NSD1: variants seen among roughly 807,000 people sequenced by gnomAD.
The protein encoded by NSD1 is histone-lysine N-methyltransferase, H3 lysine-36 specific.
NSD1 carries 26 observed loss-of-function variants against 242.7 expected under a neutral mutation model. The observed-to-expected ratio is 0.11, with a 90% confidence interval of 0.08 to 0.15. The LOEUF (loss-of-function observed/expected upper bound fraction) is 0.15, where lower values mean the gene tolerates loss of function less well. Ranked by LOEUF, NSD1 falls within the 10% of genes least tolerant of loss-of-function variation. The pLI is 1.00. For synonymous variants in NSD1, 1,106 were observed against 1,178.1 expected, an observed-to-expected ratio of 0.94 and a Z score of 1.25; for missense variants, 2,495 against 3,272.8, an observed-to-expected ratio of 0.76 and a Z score of 5.80.
chr5:177,136,735 T>G (rs1353969364), intron 2 of NSD1: 1 of 521,460 alleles, frequency 1.9e-6, no homozygotes, highest in African/African-American at 1.9e-5. Flanking sequence ...CTGGGATTAC[T>G]GGTACCCATC....
chr5:177,280,071 A>G (rs550847662), intron 17 of NSD1, among the ~76,000 whole-genome samples: 3 of 144,436 alleles, frequency 2.1e-5, no homozygotes, highest in African/African-American at 7.8e-5. Context: ...GTGCAGTGGC[A>G]CGACCTAGGC....
chr5:177,291,921 C>T (rs1342157247), intron 21 of NSD1, 33 bp from the exon 22 acceptor site: 2 of 1,599,196 alleles, frequency 1.3e-6, no homozygotes, highest in South Asian at 1.1e-5. Context: ...AATGTGTTCA[C>T]AGAATGCTGA....
upstream of NSD1, chr5:177,133,040 TGTG>T (rs561454196): frequency 1.4e-4 from 22 of 153,410 alleles, no homozygotes; most frequent in South Asian, 6.1e-4. This position sits in a 1 kb window ranked among gnomAD's most constrained non-coding sequence, Gnocchi z 6.2. Context: ...CAGCTTGGTC[TGTG>T]GTGGTGGTGG....
chr5:177,174,871 C>CTTT lies in NSD1; in HGVS notation c.928-16995_928-16993dup, dbSNP rs377543241. On this transcript the variant is annotated intron_variant, in intron 2 of 22. Coordinates refer to ENST00000439151, the MANE Select transcript of NSD1 (RefSeq NM_022455.5). ...AGCCACCGTGCCTGGCCTTATCTGA[C>CTTT]TTTTTTTTTTTTTTTTTTTTGGGAC... Among the ~76,000 whole-genome samples the CTTT allele has an allele frequency of 3.4e-3, 305 of 89,656 alleles. 5 individuals are homozygous for CTTT. The highest frequency in any genetic ancestry group is 2.5e-3 in the Non-Finnish European group (125 of 49,446). The allele number at this position is 89,656 out of a possible 152,430, so 58.8% of individuals were successfully genotyped here. A position where few individuals can be genotyped will look rare whatever the true frequency, so the allele number is the denominator to read the frequency against.
chr5:177,151,545 C>T (rs763005449), intron 2 of NSD1, among the ~76,000 whole-genome samples: 12 of 151,820 alleles, frequency 7.9e-5, no homozygotes, highest in Admixed American at 2.0e-4. Context: ...TGTGCCACCA[C>T]GCCCGGCTAA....
chr5:177,279,770 C>T (rs770483702), intron 17 of NSD1, among the ~76,000 whole-genome samples: 124 of 151,086 alleles, frequency 8.2e-4, no homozygotes, highest in Non-Finnish European at 1.3e-3. Flanking sequence ...GTGCCCGCCA[C>T]CACGCCTGGC....
Position 177,299,543 on chromosome 5 carries a change from C to G in NSD1, c.*4084C>G, listed in dbSNP as rs570444426. The G allele has an allele frequency of 3.4e-5, 8 of 233,222 alleles. No individual in the cohort carries two copies. Among genetic ancestry groups the G allele is most frequent in the Admixed American group, 1.1e-4 (2 of 17,780 alleles). The allele number at this position is 233,222 out of a possible 1,614,324, so 14.4% of individuals were successfully genotyped here. A position where few individuals can be genotyped will look rare whatever the true frequency, so the allele number is the denominator to read the frequency against. On this transcript the variant is annotated 3_prime_UTR_variant, in exon 23 of 23. Transcript: ENST00000439151. The stretch of plus-strand genomic sequence containing the variant: ...TCCCTTCTGCCCCTCTCTACCTCTT[C>G]CACTCATGGAAGCCCCTCTACTGCT...
Position 177,295,738 on chromosome 5 carries a change from A to C in NSD1, c.*279A>C. 3.7e-6 allele frequency: 2 copies of C among 537,996 alleles called. No individual in the cohort carries two copies. The highest frequency in any genetic ancestry group is 4.1e-5 in the South Asian group (2 of 48,900). 33.3% of individuals were successfully genotyped at this position (537,996 alleles called of 1,614,324 possible). ...CAACTTTTCCACATGGTCATCGTGA[A>C]ATAAAAAGTCCACTCTGGAGTCAAG... On this transcript the variant is annotated 3_prime_UTR_variant, in exon 23 of 23. Coordinates refer to ENST00000439151, the MANE Select transcript of NSD1 (RefSeq NM_022455.5). This position sits in a 1 kb window ranked among gnomAD's most constrained non-coding sequence, Gnocchi z 4.3.
chr5:177,160,153 A>T (rs753968321), intron 2 of NSD1, among the ~76,000 whole-genome samples: 1 of 151,964 alleles, frequency 6.6e-6, no homozygotes, highest in Non-Finnish European at 1.5e-5. Context: ...CGCCTTCCCA[A>T]GTGCTGGGAT....
At chr5:177,184,357 CTGA>C (rs1760926621) in intron 2 of NSD1, among the ~76,000 whole-genome samples, 1 of 152,160 alleles carries the variant, frequency 6.6e-6, no homozygotes, top group African/African-American at 2.4e-5. Flanking sequence ...TTGCATTTCT[CTGA>C]TGATCAGTGA....
At chr5:177,158,979 CACAT>C (rs1473034554) in intron 2 of NSD1, among the ~76,000 whole-genome samples, 3 of 125,856 alleles carry the variant, frequency 2.4e-5, no homozygotes, top group South Asian at 2.2e-4. Flanking sequence ...CATATATACA[CACAT>C]ATATATGAAT....
At chr5:177,180,158 G>C (rs1175171626) in intron 2 of NSD1, among the ~76,000 whole-genome samples, 1 of 151,450 alleles carries the variant, frequency 6.6e-6, no homozygotes, top group Non-Finnish European at 1.5e-5. Context: ...GCAGTGGCAC[G>C]ATCTTGGCTC....
intron 9 of NSD1, among the ~76,000 whole-genome samples, chr5:177,244,479 G>A (rs1766124502): frequency 6.6e-6 from 1 of 152,178 alleles, no homozygotes; most frequent in Non-Finnish European, 1.5e-5. Flanking sequence ...AATGCTACCT[G>A]TAATCTCTCT....
intron 5 of NSD1, among the ~76,000 whole-genome samples, chr5:177,218,871 C>A (rs567314482): frequency 7.3e-5 from 11 of 151,102 alleles, no homozygotes; most frequent in African/African-American, 2.4e-4. Context: ...GCCCGGCCCC[C>A]CCTTTTTTTT....
chr5:177,268,340 G>C (rs1179890890), intron 15 of NSD1, among the ~76,000 whole-genome samples: 1 of 111,968 alleles, frequency 8.9e-6, no homozygotes, highest in Non-Finnish European at 1.8e-5. Flanking sequence ...GGTGGGGGGT[G>C]GGGGGAGGGA....
In NSD1 at chr5:177,210,298, T is replaced by C. The variant is rs1454458205; in HGVS notation, c.1899T>C (p.Ser633=). 1.2e-6 allele frequency: 2 copies of C among 1,610,810 alleles called. No individual in the cohort carries two copies. The highest frequency in any genetic ancestry group is 1.7e-6 in the Non-Finnish European group (2 of 1,178,176). ...YIGAGDEEKR[S]DSISICTTSD... ...GAGCAGGTGATGAGGAAAAGCGAAGTGATTCCATTAGTATCTGTACCACTT... is the reference window on the plus strand; with the variant it reads ...GAGCAGGTGATGAGGAAAAGCGAAGCGATTCCATTAGTATCTGTACCACTT... The change falls in exon 5 of 23, where the codon AGT becomes AGC. Residue 633 remains serine, a synonymous_variant. Coordinates refer to ENST00000439151, the MANE Select transcript of NSD1 (RefSeq NM_022455.5).
chr5:177,179,565 C>A (rs1047690934), intron 2 of NSD1, among the ~76,000 whole-genome samples: 1 of 152,098 alleles, frequency 6.6e-6, no homozygotes. Flanking sequence ...ACACAGAGCA[C>A]AAGTATAAAA....
chr5:177,295,601 C>T lies in NSD1; in HGVS notation c.*142C>T. ...CTGTTATTCTTTCCTCATATCCCAACACTCAGAACTCTTGTGACATTAGCC... is the reference window on the plus strand; with the variant it reads ...CTGTTATTCTTTCCTCATATCCCAATACTCAGAACTCTTGTGACATTAGCC... On this transcript the variant is annotated 3_prime_UTR_variant, in exon 23 of 23. Transcript: ENST00000439151. The surrounding 1 kb of genome is among the most constrained non-coding windows in gnomAD (Gnocchi z 4.3). 5 of 893,882 alleles carry T rather than the reference C, an allele frequency of 5.6e-6. No homozygotes were observed. The highest frequency in any genetic ancestry group is 2.9e-4 in the Middle Eastern group (1 of 3,424). 55.4% of individuals were successfully genotyped at this position (893,882 alleles called of 1,614,324 possible).
At chr5:177,230,979 A>G (rs1258688953) in intron 5 of NSD1, among the ~76,000 whole-genome samples, 1 of 152,084 alleles carries the variant, frequency 6.6e-6, no homozygotes, top group African/African-American at 2.4e-5. Flanking sequence ...TAGCATAGGG[A>G]TCTGTTTTAA....
Sources: gnomAD v4.1 joint callset for allele counts (sites outside exome capture counted in the v4.1 genomes callset) on GRCh38, gnomAD v4.1.1 for gene constraint, Gnocchi (gnomAD v3.1) non-coding constraint, MANE v1.5 for transcripts, NCBI Gene and HGNC (gene_info 2026-07-23, HGNC 2026-07-21) for gene names.